RANBP2: variants seen among roughly 807,000 people sequenced by gnomAD.
RANBP2 encodes E3 SUMO-protein ligase RanBP2.
In RANBP2, 57 loss-of-function variants were observed where a neutral mutation model predicts 303.6. The observed-to-expected ratio is 0.19, with a 90% CI of 0.15 to 0.23. The LOEUF is 0.23. RANBP2 is among the 10% of genes least tolerant of loss of function. RANBP2 has a pLI of 1.00. For synonymous variants in RANBP2, 1,167 were observed against 1,301.5 expected (o/e 0.90, Z 2.23); for missense variants, 3,138 against 3,780.8 (o/e 0.83, Z 4.46).
the RANBP2 span, among the ~76,000 whole-genome samples, chr2:109,664,060 TC>T: frequency 1.3e-4 from 20 of 152,174 alleles, no homozygotes; most frequent in Admixed American, 1.3e-3. Flanking sequence ...AGTGGATCAC[TC>T]CTATGTAAAG....
At chr2:109,394,330 G>T in the RANBP2 span, among the ~76,000 whole-genome samples, 1 of 152,140 alleles carries the variant, frequency 6.6e-6, no homozygotes, top group Non-Finnish European at 1.5e-5. Context: ...GTGGGATGGT[G>T]AGCCCTGGCC....
At chr2:109,680,720 T>C in the RANBP2 span, among the ~76,000 whole-genome samples, 1 of 152,192 alleles carries the variant, frequency 6.6e-6, no homozygotes, top group Admixed American at 6.5e-5. Flanking sequence ...TTTTCAGACC[T>C]TTCCTGTTTC....
chr2:109,444,201 GAATGA>G, the RANBP2 span, among the ~76,000 whole-genome samples: 1 of 152,200 alleles, frequency 6.6e-6, no homozygotes, highest in Non-Finnish European at 1.5e-5. Flanking sequence ...ATTTTGAGCT[GAATGA>G]AATGAAAAAG....
At chr2:109,347,503 A>G in the RANBP2 span, among the ~76,000 whole-genome samples, 1 of 151,976 alleles carries the variant, frequency 6.6e-6, no homozygotes, top group Non-Finnish European at 1.5e-5. Flanking sequence ...CAGAATGTGC[A>G]TGTTCCTGTG....
the RANBP2 span, among the ~76,000 whole-genome samples, chr2:109,478,214 G>T: frequency 6.6e-6 from 1 of 152,234 alleles, no homozygotes; most frequent in South Asian, 2.1e-4. Context: ...CACACTTCAC[G>T]CTGGCTCCCA....
the RANBP2 span, chr2:108,895,041 G>T: frequency 6.5e-6 from 1 of 152,860 alleles, no homozygotes; most frequent in Non-Finnish European, 1.5e-5. Flanking sequence ...AAGGCAGGGG[G>T]AAGGGGGCAC....
chr2:109,412,243 G>A, the RANBP2 span, among the ~76,000 whole-genome samples: 3 of 152,348 alleles, frequency 2.0e-5, no homozygotes, highest in African/African-American at 7.2e-5. Context: ...AGTCTCCTTG[G>A]TCTCTCCTGG....
the RANBP2 span, among the ~76,000 whole-genome samples, chr2:109,512,089 GTGGGGGC>G: frequency 6.6e-6 from 1 of 152,156 alleles, no homozygotes; most frequent in Non-Finnish European, 1.5e-5. Flanking sequence ...TACAACTCTA[GTGGGGGC>G]TGTGATATCT....
the RANBP2 span, among the ~76,000 whole-genome samples, chr2:109,013,011 C>G: frequency 6.6e-6 from 1 of 152,196 alleles, no homozygotes. Flanking sequence ...CTTTAAAGGG[C>G]CGAGTAGGGC....
chr2:108,786,707 C>T (rs981043892), downstream of RANBP2: 10 of 984,160 alleles, frequency 1.0e-5, no homozygotes, highest in South Asian at 1.4e-5. Flanking sequence ...CTTTCCCTGC[C>T]GCCGTGCGTG....
the RANBP2 span, among the ~76,000 whole-genome samples, chr2:109,249,501 CTT>C: frequency 4.9e-4 from 17 of 34,808 alleles, no homozygotes; most frequent in African/African-American, 2.3e-3. Context: ...TTCTTTCTTT[CTT>C]TCTTTCATTC....
chr2:108,878,988 T>C, the RANBP2 span, among the ~76,000 whole-genome samples: 1 of 151,900 alleles, frequency 6.6e-6, no homozygotes, highest in Admixed American at 6.6e-5. Context: ...AACAAAAATA[T>C]TTAGGATAAA....
the RANBP2 span, among the ~76,000 whole-genome samples, chr2:109,305,603 G>C: frequency 6.6e-6 from 1 of 152,206 alleles, no homozygotes; most frequent in Non-Finnish European, 1.5e-5. Context: ...TAAGGGAGAT[G>C]AGAATACAAA....
the RANBP2 span, among the ~76,000 whole-genome samples, chr2:109,518,044 G>A: frequency 2.0e-5 from 3 of 152,204 alleles, no homozygotes; most frequent in East Asian, 1.9e-4. Flanking sequence ...GCTGCAACTC[G>A]CTTACCTGGT....
chr2:109,733,181 A>G, the RANBP2 span: 3 of 37,786 alleles, frequency 7.9e-5, no homozygotes, highest in Non-Finnish European at 2.4e-4. Flanking sequence ...AGGTCAAATG[A>G]AAAAAAAAAA....
the RANBP2 span, among the ~76,000 whole-genome samples, chr2:109,329,140 T>C: frequency 2.0e-5 from 3 of 152,198 alleles, no homozygotes; most frequent in Non-Finnish European, 4.4e-5. Flanking sequence ...CTCTCCTACA[T>C]TGGTTTCTCT....
the RANBP2 span, among the ~76,000 whole-genome samples, chr2:108,799,274 A>G: frequency 3.9e-5 from 6 of 152,340 alleles, no homozygotes; most frequent in South Asian, 1.2e-3. Context: ...TAGGTGGTAT[A>G]ATATACCTTG....
chr2:109,462,923 A>G, the RANBP2 span, among the ~76,000 whole-genome samples: 1 of 152,236 alleles, frequency 6.6e-6, no homozygotes, highest in Non-Finnish European at 1.5e-5. Flanking sequence ...TCCAGTGTCC[A>G]GCTGTCCCTG....
chr2:109,060,067 G>A, the RANBP2 span, among the ~76,000 whole-genome samples: 1 of 152,150 alleles, frequency 6.6e-6, no homozygotes, highest in African/African-American at 2.4e-5. Context: ...TTTTGACAAT[G>A]TGTCTTTTTG....
Sources: gnomAD v4.1 joint callset for allele counts (sites outside exome capture counted in the v4.1 genomes callset) on GRCh38, gnomAD v4.1.1 for gene constraint, MANE v1.5 for transcripts, NCBI Gene and HGNC (gene_info 2026-07-23, HGNC 2026-07-21) for gene names.